Variants in ZNRF1 observed in about 807,000 individuals in gnomAD.
ZNRF1 encodes zinc and ring finger 1, also known as E3 ubiquitin-protein ligase ZNRF1.
ZNRF1 carries 3 observed loss-of-function variants against 18.4 expected under a neutral mutation model. That is an observed-to-expected ratio of 0.16 (90% CI 0.07 to 0.42). The LOEUF (loss-of-function observed/expected upper bound fraction) is 0.42, where lower values mean the gene tolerates loss of function less well. Among genes scored for constraint, ZNRF1 ranks in the 10% least tolerant of loss-of-function variants. The probability of loss-of-function intolerance (pLI) is 0.99; values close to 1 mark genes in which losing one functional copy is unlikely to be tolerated. For missense variants in ZNRF1, 310 were observed against 329.8 expected (o/e 0.94, Z 0.47); for synonymous variants, 157 against 144.2 (o/e 1.09, Z -0.64).
At chr16:75,031,703 T>G (rs1343315069) in intron 1 of ZNRF1, among the ~76,000 whole-genome samples, 4 of 152,076 alleles carry the variant, frequency 2.6e-5, no homozygotes, top group Admixed American at 2.0e-4. Flanking sequence ...AGACAGGGCA[T>G]GTTGCCCAGG....
chr16:74,999,054 G>C lies in ZNRF1; in HGVS notation c.-618G>C, dbSNP rs1296659538. The C allele has an allele frequency of 8.0e-5, 12 of 150,544 alleles. No individual in the cohort carries two copies. The South Asian group carries it at 1.2e-3, about 15-fold the overall frequency. 9.3% of individuals were successfully genotyped at this position (150,544 alleles called of 1,614,324 possible). ...CTCCACGGCGGCGAGGAGCGCCGGC[G>C]AGCGCAGCCCGGGACCGAGCGGGGC... is the stretch of plus-strand genomic sequence containing the variant. On this transcript the variant is annotated 5_prime_UTR_variant, in exon 1 of 5. Transcript: ENST00000335325.
At chr16:75,003,642 C>G (rs1218749339) in intron 1 of ZNRF1, among the ~76,000 whole-genome samples, 1 of 152,162 alleles carries the variant, frequency 6.6e-6, no homozygotes. Flanking sequence ...TCTTCCGCCT[C>G]TTATCTGAAA....
At position 75,068,847 on chromosome 16, in the gene ZNRF1, A is replaced by G. The variant is rs567308401; in HGVS notation, c.425-24725A>G. ...GAGAACACACTTCCCTTTTCACCCA[A>G]CATCTATTCCCTTACTTGTCTGAGT... is the stretch of plus-strand genomic sequence containing the variant. On this transcript the variant is annotated intron_variant, in intron 1 of 4. Transcript: ENST00000335325. Among the ~76,000 whole-genome samples, 3 of 151,292 alleles carry G rather than the reference A, an allele frequency of 2.0e-5. No homozygotes were observed. The South Asian group carries it at 6.3e-4, about 32-fold the overall frequency.
At chr16:75,029,607 A>G (rs1017532355) in intron 1 of ZNRF1, among the ~76,000 whole-genome samples, 11 of 151,902 alleles carry the variant, frequency 7.2e-5, no homozygotes, top group African/African-American at 2.4e-4. Context: ...TCTCTACAAA[A>G]AAAATACAAA....
chr16:75,093,272 C>T (rs2036161275), intron 1 of ZNRF1, among the ~76,000 whole-genome samples: 1 of 151,874 alleles, frequency 6.6e-6, no homozygotes, highest in South Asian at 2.1e-4. Flanking sequence ...GTAATCCCAG[C>T]TACTTGGAAG....
intron 1 of ZNRF1, among the ~76,000 whole-genome samples, chr16:75,090,718 T>C (rs2036127532): frequency 6.6e-6 from 1 of 152,098 alleles, no homozygotes; most frequent in African/African-American, 2.4e-5. Context: ...CCACTTTGTC[T>C]GTAGTTAGCC....
At chr16:75,079,585 A>T (rs1166304486) in intron 1 of ZNRF1, among the ~76,000 whole-genome samples, 1 of 152,140 alleles carries the variant, frequency 6.6e-6, no homozygotes, top group South Asian at 2.1e-4. Flanking sequence ...TGGGTGAGAG[A>T]AAAGCAAGGA....
intron 1 of ZNRF1, among the ~76,000 whole-genome samples, chr16:75,001,428 A>T (rs1445436032): frequency 6.7e-6 from 1 of 148,946 alleles, no homozygotes; most frequent in Non-Finnish European, 1.5e-5. Context: ...TTAGGATGAT[A>T]TTTTAATCTC....
At chr16:75,079,697 G>A (rs2035986549) in intron 1 of ZNRF1, among the ~76,000 whole-genome samples, 1 of 152,070 alleles carries the variant, frequency 6.6e-6, no homozygotes, top group African/African-American at 2.4e-5. Flanking sequence ...TACTCTTTTG[G>A]CTTCTTCCTC....
chr16:75,045,232 C>A (rs942955502), intron 1 of ZNRF1, among the ~76,000 whole-genome samples: 11 of 152,184 alleles, frequency 7.2e-5, no homozygotes, highest in African/African-American at 2.7e-4. Flanking sequence ...ACCAGAATAA[C>A]CCTGGCCAGG....
chr16:75,050,579 C>T (rs984744624), intron 1 of ZNRF1, among the ~76,000 whole-genome samples: 5 of 151,356 alleles, frequency 3.3e-5, no homozygotes, highest in South Asian at 4.2e-4. Context: ...AATAAAAATA[C>T]TTGTAGCCGC....
chr16:75,088,377 A>T (rs1427528541), intron 1 of ZNRF1, among the ~76,000 whole-genome samples: 1 of 152,330 alleles, frequency 6.6e-6, no homozygotes, highest in African/African-American at 2.4e-5. Context: ...TCAGCATCTT[A>T]CAACCAGTGC....
At chr16:75,051,062 G>A (rs1311785752) in intron 1 of ZNRF1, among the ~76,000 whole-genome samples, 1 of 147,526 alleles carries the variant, frequency 6.8e-6, no homozygotes, top group Non-Finnish European at 1.5e-5. Context: ...AAACCTGGGT[G>A]TCGTGGCACA....
intron 1 of ZNRF1, among the ~76,000 whole-genome samples, chr16:75,018,059 A>G (rs113763940): frequency 1.3e-5 from 2 of 152,346 alleles, no homozygotes; most frequent in African/African-American, 4.8e-5. Context: ...AACAGTGTCT[A>G]TCATATAGGA....
At chr16:75,040,647 C>T (rs1163620420) in intron 1 of ZNRF1, among the ~76,000 whole-genome samples, 2 of 127,132 alleles carry the variant, frequency 1.6e-5, no homozygotes, top group African/African-American at 3.4e-5. Context: ...GCTCTTGTTG[C>T]CCAGGCTGGA....
intron 1 of ZNRF1, among the ~76,000 whole-genome samples, chr16:75,004,228 G>A (rs1355943233): frequency 6.6e-6 from 1 of 152,200 alleles, no homozygotes; most frequent in Non-Finnish European, 1.5e-5. Context: ...GCCTGCATTA[G>A]TGGGCTGCTT....
chr16:75,049,170 T>TGAG, intron 1 of ZNRF1, among the ~76,000 whole-genome samples: 1 of 138,634 alleles, frequency 7.2e-6, no homozygotes, highest in African/African-American at 2.7e-5. Flanking sequence ...ACACCCAGCT[T>TGAG]CTTTTTGTAT....
At chr16:75,001,773 A>C (rs1054221310) in intron 1 of ZNRF1, among the ~76,000 whole-genome samples, 3 of 152,162 alleles carry the variant, frequency 2.0e-5, no homozygotes, top group Admixed American at 6.5e-5. Context: ...AAAATTTCTT[A>C]AGCCTCTTAC....
Position 74,999,795 on chromosome 16 carries a change from G to A in ZNRF1, c.124G>A (p.Gly42Arg). ...TTTCGGGCACTACCGGACGGGCGGC[G>A]GGGCCATGGGGCTGCGCAGCCGCTC... ...PHFGHYRTGG[G>R]AMGLRSRSVS... is the part of the protein sequence containing the mutation. Residue 42 changes from glycine to arginine, a missense_variant, in exon 1 of 5, where the codon GGG (glycine) becomes AGG (arginine). This residue lies in a region of ZNRF1 where 293 missense variants were observed against 291.2 expected (regional missense o/e 1.01). Coordinates refer to ENST00000335325, the MANE Select transcript of ZNRF1 (RefSeq NM_032268.5). The A allele has an allele frequency of 3.5e-6, 5 of 1,415,870 alleles. No individual in the cohort carries two copies. The East Asian group carries it at 1.4e-4, about 39-fold the overall frequency. 87.7% of individuals were successfully genotyped at this position (1,415,870 alleles called of 1,614,324 possible).
Sources: allele counts gnomAD v4.1 joint callset (sites outside exome capture counted in the v4.1 genomes callset), GRCh38; gene constraint gnomAD v4.1.1; regional missense constraint gnomAD v4.1.1; transcripts MANE v1.5; gene names NCBI Gene and HGNC (gene_info 2026-07-23, HGNC 2026-07-21).